Variants in CTNNA3 observed in about 807,000 individuals in gnomAD.
CTNNA3 encodes catenin alpha 3.
A neutral mutation model predicts 95.7 loss-of-function variants in CTNNA3; 76 were observed. The ratio of observed to expected loss-of-function variants is 0.79; its 90% CI spans 0.66 to 0.96. The LOEUF is 0.96. Ranked by LOEUF, CTNNA3 falls within the 40% of genes least tolerant of loss-of-function variation. The pLI is 0.00. For synonymous variants in CTNNA3, 431 were observed against 374.4 expected, an observed-to-expected ratio of 1.15 and a Z score of -1.74; for missense variants, 1,191 against 1,089.8, an observed-to-expected ratio of 1.09 and a Z score of -1.31.
At chr10:66,346,246 T>TATATATATAG (rs1416945569) in intron 12 of CTNNA3, among the ~76,000 whole-genome samples, 6 of 27,792 alleles carry the variant, frequency 2.2e-4, no homozygotes, top group Admixed American at 3.6e-4. Flanking sequence ...TATATATATA[T>TATATATATAG]AGAGAGAGAG....
intron 12 of CTNNA3, among the ~76,000 whole-genome samples, chr10:66,293,426 T>C (rs2091721670): frequency 8.1e-6 from 1 of 122,830 alleles, no homozygotes; most frequent in Admixed American, 7.9e-5. Flanking sequence ...ATCAATGTAG[T>C]AAAACAGGGA....
At chr10:67,295,202 C>T (rs977322589) in intron 5 of CTNNA3, among the ~76,000 whole-genome samples, 13 of 152,222 alleles carry the variant, frequency 8.5e-5, no homozygotes, top group Non-Finnish European at 1.5e-4. Flanking sequence ...AATTAAATGC[C>T]TACTATCTGT....
At chr10:67,103,338 C>T (rs1307792055) in intron 7 of CTNNA3, among the ~76,000 whole-genome samples, 2 of 151,822 alleles carry the variant, frequency 1.3e-5, no homozygotes, top group Non-Finnish European at 2.9e-5. Flanking sequence ...GCTCAGGTTG[C>T]TTCCTGACAG....
intron 12 of CTNNA3, among the ~76,000 whole-genome samples, chr10:66,344,452 A>G (rs1185290667): frequency 6.6e-6 from 1 of 150,950 alleles, no homozygotes; most frequent in Admixed American, 6.6e-5. Flanking sequence ...TTTGTAGTAG[A>G]GACAGGGTTT....
intron 3 of CTNNA3, among the ~76,000 whole-genome samples, chr10:67,589,669 G>A (rs1450848408): frequency 1.3e-5 from 2 of 152,000 alleles, no homozygotes; most frequent in African/African-American, 4.8e-5. Context: ...GAAAAAACAA[G>A]AGAATGCCTT....
At chr10:66,077,945 T>A (rs2126750) in intron 14 of CTNNA3, among the ~76,000 whole-genome samples, 43,235 of 151,562 alleles carry the variant, frequency 0.29, 6,894 homozygotes, top group South Asian at 0.43. Context: ...GGTTGATTTG[T>A]TTAGGGGCAT....
intron 9 of CTNNA3, among the ~76,000 whole-genome samples, chr10:66,719,322 TAA>T (rs1848552135): frequency 6.6e-6 from 1 of 152,128 alleles, no homozygotes. Context: ...TGATTTATAT[TAA>T]GTGTTTATTT....
chr10:66,585,213 A>G (rs894985883), intron 10 of CTNNA3, among the ~76,000 whole-genome samples: 7 of 151,764 alleles, frequency 4.6e-5, no homozygotes, highest in Non-Finnish European at 8.8e-5. Flanking sequence ...ACCTTCTTAT[A>G]TTTGGATATC....
chr10:66,277,301 A>G (rs1259432396), intron 13 of CTNNA3, among the ~76,000 whole-genome samples: 1 of 152,132 alleles, frequency 6.6e-6, no homozygotes, highest in African/African-American at 2.4e-5. Context: ...ATTCATAAAA[A>G]TTTAGACATA....
At chr10:67,432,299 T>A (rs1413643166) in intron 5 of CTNNA3, among the ~76,000 whole-genome samples, 1 of 152,084 alleles carries the variant, frequency 6.6e-6, no homozygotes, top group Admixed American at 6.6e-5. Context: ...ATTTCATATA[T>A]GTTTCTGCTA....
intron 16 of CTNNA3, among the ~76,000 whole-genome samples, chr10:65,968,429 C>A (rs1485424826): frequency 6.6e-6 from 1 of 152,068 alleles, no homozygotes; most frequent in African/African-American, 2.4e-5. Flanking sequence ...GCTGAGACAG[C>A]CTGAGCTGTC....
chr10:67,133,328 T>TTTATATATATATATATATATATTTATAC (rs1554928689), intron 7 of CTNNA3, among the ~76,000 whole-genome samples: 38 of 105,346 alleles, frequency 3.6e-4, no homozygotes, highest in African/African-American at 1.3e-3. Flanking sequence ...TATATATTTA[T>TTTATATATATATATATATATATTTATAC]ACACACACAC....
intron 7 of CTNNA3, among the ~76,000 whole-genome samples, chr10:66,861,045 T>C (rs1288147038): frequency 6.6e-6 from 1 of 152,218 alleles, no homozygotes. Flanking sequence ...ATTGCAGTCA[T>C]GTCTTCTTAA....
chr10:67,010,843 G>A (rs1852278532), intron 7 of CTNNA3, among the ~76,000 whole-genome samples: 1 of 152,124 alleles, frequency 6.6e-6, no homozygotes, highest in Non-Finnish European at 1.5e-5. Context: ...CATATTTGTA[G>A]ATACTAATTA....
intron 11 of CTNNA3, among the ~76,000 whole-genome samples, chr10:66,440,571 T>C (rs889157709): frequency 6.6e-6 from 1 of 152,198 alleles, no homozygotes; most frequent in Non-Finnish European, 1.5e-5. Context: ...ATGACCAATC[T>C]TTAGTGACTT....
chr10:65,993,536 A>G (rs1265524175), intron 15 of CTNNA3, among the ~76,000 whole-genome samples: 2 of 152,178 alleles, frequency 1.3e-5, no homozygotes, highest in Non-Finnish European at 2.9e-5. Flanking sequence ...TGACTTAAAA[A>G]TGTTTTTATC....
chr10:67,228,934 T>C (rs1023964408), intron 5 of CTNNA3, among the ~76,000 whole-genome samples: 8 of 151,958 alleles, frequency 5.3e-5, no homozygotes, highest in Non-Finnish European at 7.4e-5. Flanking sequence ...TTCCACAAGA[T>C]AGAGAAAGAA....
At chr10:66,127,513 C>G (rs990293282) in intron 13 of CTNNA3, among the ~76,000 whole-genome samples, 1 of 151,956 alleles carries the variant, frequency 6.6e-6, no homozygotes, top group African/African-American at 2.4e-5. Context: ...ATCTGTATTC[C>G]TGAAAACTGT....
intron 7 of CTNNA3, among the ~76,000 whole-genome samples, chr10:66,777,792 CACACAT>C (rs1373914227): frequency 8.7e-6 from 1 of 115,578 alleles, no homozygotes; most frequent in African/African-American, 2.9e-5. Flanking sequence ...CACACACACA[CACACAT>C]GCACACACAC....
Sources: allele counts gnomAD v4.1 joint callset (sites outside exome capture counted in the v4.1 genomes callset), GRCh38; gene constraint gnomAD v4.1.1; transcripts MANE v1.5; gene names NCBI Gene and HGNC (gene_info 2026-07-23, HGNC 2026-07-21).